Variants in NAA15 observed in about 807,000 individuals in gnomAD.
NAA15 encodes the protein N-terminal acetyltransferase.
In NAA15, 34 loss-of-function variants were observed where a neutral mutation model predicts 114.0. That is an observed-to-expected ratio of 0.30 (90% confidence interval 0.23 to 0.40). NAA15 has a LOEUF of 0.40. NAA15 is among the 10% of genes least tolerant of loss of function. The pLI, the probability that NAA15 is intolerant of heterozygous loss-of-function variation, is 1.00. For synonymous variants in NAA15, 340 were observed against 338.0 expected (o/e 1.01, Z -0.06); for missense variants, 658 against 1,004.5 (o/e 0.66, Z 4.66).
intron 1 of NAA15, among the ~76,000 whole-genome samples, chr4:139,303,721 C>T (rs1184228992): frequency 6.6e-6 from 1 of 152,092 alleles, no homozygotes; most frequent in Non-Finnish European, 1.5e-5. Context: ...CGCTTGAACC[C>T]GGGAGGTGGA....
chr4:139,379,809 C>T (rs1016763393), intron 17 of NAA15, among the ~76,000 whole-genome samples: 28 of 152,056 alleles, frequency 1.8e-4, no homozygotes, highest in Admixed American at 1.7e-3. Context: ...TTCAGGAAGC[C>T]GAGGTGGGCG....
chr4:139,313,924 A>C (rs949279992), intron 1 of NAA15, among the ~76,000 whole-genome samples: 1 of 151,890 alleles, frequency 6.6e-6, no homozygotes, highest in Non-Finnish European at 1.5e-5. Flanking sequence ...GCGCTTTGCA[A>C]AATCACGCAA....
chr4:139,381,717 C>T (rs1020984648), intron 17 of NAA15, among the ~76,000 whole-genome samples: 4 of 152,024 alleles, frequency 2.6e-5, no homozygotes, highest in Non-Finnish European at 4.4e-5. Context: ...ATTAACAATG[C>T]CAGCTAGCCT....
chr4:139,360,702 C>T (rs1427084986), intron 13 of NAA15, 74 bp downstream of exon 13: 2 of 1,332,344 alleles, frequency 1.5e-6, no homozygotes, highest in East Asian at 2.7e-5. Flanking sequence ...TAGTTTTTTT[C>T]TCTTCTATTT....
At chr4:139,324,394 C>G (rs1344592196) in intron 1 of NAA15, among the ~76,000 whole-genome samples, 1 of 152,094 alleles carries the variant, frequency 6.6e-6, no homozygotes, top group East Asian at 1.9e-4. Flanking sequence ...AAGGGAAATC[C>G]TTATTCACAG....
In NAA15 at chr4:139,360,864, G is replaced by A. The variant is rs185057003; in HGVS notation, c.1539+236G>A. Among the ~76,000 whole-genome samples the A allele has an allele frequency of 6.4e-4, 98 of 152,072 alleles. 2 individuals are homozygous for A. Among genetic ancestry groups the A allele is most frequent in the Non-Finnish European group, 3.2e-4 (22 of 67,932 alleles). ...AACTTTATGGAAAATTTGTATCTTG[G>A]CTATGTTTTTATTGATTTTTGAACC... On this transcript the variant is annotated intron_variant, in intron 13 of 19. Transcript: ENST00000296543.
intron 17 of NAA15, among the ~76,000 whole-genome samples, chr4:139,383,659 C>T (rs748536081): frequency 3.3e-5 from 5 of 152,062 alleles, no homozygotes; most frequent in African/African-American, 9.7e-5. Flanking sequence ...TTAGCAGAGA[C>T]GGGGTTTCGC....
intron 1 of NAA15, among the ~76,000 whole-genome samples, chr4:139,323,053 C>CTTT (rs67137305): frequency 8.5e-6 from 1 of 117,484 alleles, no homozygotes; most frequent in African/African-American, 3.2e-5. Context: ...CTTTTCTTTT[C>CTTT]TTTTTTTTTT....
At chr4:139,328,629 G>A (rs537275436) in intron 1 of NAA15, among the ~76,000 whole-genome samples, 174 of 143,712 alleles carry the variant, frequency 1.2e-3, no homozygotes, top group African/African-American at 4.3e-3. Flanking sequence ...GTGCAGTGGC[G>A]TGATCTCGGC....
rs994795063 is a variant in NAA15 at position 139,341,084 on chromosome 4, G to A, written c.402+15G>A. The A allele has an allele frequency of 1.4e-6, 2 of 1,474,450 alleles. No homozygotes were observed. The highest frequency in any genetic ancestry group is 2.9e-5 in the African/African-American group (2 of 69,298). The allele number at this position is 1,474,450 out of a possible 1,614,324, so 91.3% of individuals were successfully genotyped here. A position where few individuals can be genotyped will look rare whatever the true frequency, so the allele number is the denominator to read the frequency against. On this transcript the variant is annotated intron_variant, in intron 4 of 19. Coordinates refer to ENST00000296543, the MANE Select transcript of NAA15 (RefSeq NM_057175.5). ...AGGGTTACAGGGTAAGTAAAATAGA[G>A]ACTTTTTTTTTTAATTCTAAGGGGA...
At chr4:139,321,107 T>A (rs1746583087) in intron 1 of NAA15, among the ~76,000 whole-genome samples, 1 of 152,102 alleles carries the variant, frequency 6.6e-6, no homozygotes, top group Admixed American at 6.5e-5. Flanking sequence ...CTGTTTTTCT[T>A]ATTTTTTCGT....
chr4:139,334,142 T>G (rs746054825), intron 1 of NAA15, 32 bp from the exon 2 acceptor site: 62 of 1,442,894 alleles, frequency 4.3e-5, no homozygotes, highest in Non-Finnish European at 5.9e-5. Context: ...TATTCCTTGC[T>G]AAACTTAAAT....
In NAA15 at chr4:139,321,691, G is replaced by A. The variant is rs1247890742; in HGVS notation, c.55-12483G>A. Among the ~76,000 whole-genome samples, 3 of 142,886 alleles carry A rather than the reference G, an allele frequency of 2.1e-5. No individual in the cohort carries two copies. In the East Asian group the frequency reaches 6.3e-4, roughly 30 times the overall value. The allele number at this position is 142,886 out of a possible 152,430, so 93.7% of individuals were successfully genotyped here. ...GTAGAGATGGGGTTTCACTGTGTTA[G>A]CCAGGATGGTCTCGATCTCCTGACC... On this transcript the variant is annotated intron_variant, in intron 1 of 19. Transcript: ENST00000296543.
At chr4:139,365,992 G>A (rs796709534) in intron 14 of NAA15, among the ~76,000 whole-genome samples, 6 of 151,424 alleles carry the variant, frequency 4.0e-5, no homozygotes, top group African/African-American at 1.2e-4. Flanking sequence ...TGTGTTTCCA[G>A]AATGTAATTT....
chr4:139,349,435 ATTTT>A, intron 6 of NAA15, 23 bp from the exon 7 acceptor site: 1 of 1,122,726 alleles, frequency 8.9e-7, no homozygotes, highest in African/African-American at 1.6e-5. Flanking sequence ...AGATATTAAA[ATTTT>A]TTTTTTTTCT....
intron 1 of NAA15, among the ~76,000 whole-genome samples, chr4:139,307,265 TTTGTTTTTTG>T (rs1001519910): frequency 6.6e-6 from 1 of 152,076 alleles, no homozygotes; most frequent in Non-Finnish European, 1.5e-5. Flanking sequence ...CATGTGTAGG[TTTGTTTTTTG>T]TTGTTTTTGT....
intron 15 of NAA15, among the ~76,000 whole-genome samples, chr4:139,374,977 T>C (rs1748543244): frequency 6.6e-6 from 1 of 152,218 alleles, no homozygotes; most frequent in Non-Finnish European, 1.5e-5. Flanking sequence ...GTAATAGCAG[T>C]CATATGTCTC....
chr4:139,307,558 T>G (rs972603722), intron 1 of NAA15, among the ~76,000 whole-genome samples: 1 of 152,220 alleles, frequency 6.6e-6, no homozygotes. Flanking sequence ...TGAGCTACTG[T>G]GCCTGGCCTG....
chr4:139,352,606 T>G (rs1023187178), intron 9 of NAA15, among the ~76,000 whole-genome samples: 4 of 152,020 alleles, frequency 2.6e-5, no homozygotes, highest in African/African-American at 9.7e-5. Flanking sequence ...ACGTATGGGC[T>G]TTTTTGATTG....
Sources: allele counts gnomAD v4.1 joint callset (sites outside exome capture counted in the v4.1 genomes callset), GRCh38; gene constraint gnomAD v4.1.1; transcripts MANE v1.5; gene names NCBI Gene and HGNC (gene_info 2026-07-23, HGNC 2026-07-21).